AK7: variants seen among roughly 807,000 people sequenced by gnomAD.
AK7 encodes the protein ATP-AMP transphosphorylase 7.
A neutral mutation model predicts 96.6 loss-of-function variants in AK7; 78 were observed. That is an observed-to-expected ratio of 0.81 (90% CI 0.67 to 0.97). The LOEUF (loss-of-function observed/expected upper bound fraction) is 0.97. Among genes scored for constraint, AK7 ranks in the 50% least tolerant of loss-of-function variants. The probability of loss-of-function intolerance (pLI) is 0.00; values close to 1 mark genes in which losing one functional copy is unlikely to be tolerated. For missense variants in AK7, 855 were observed against 887.9 expected, an observed-to-expected ratio of 0.96 and a Z score of 0.47; for synonymous variants, 302 against 317.2, an observed-to-expected ratio of 0.95 and a Z score of 0.51.
In AK7 at chr14:96,488,929, G is replaced by T. The variant is rs1012937584; in HGVS notation, c.*586G>T. 1.7e-4 allele frequency: 26 copies of T among 151,594 alleles called. No homozygotes were observed. Among genetic ancestry groups the T allele is most frequent in the African/African-American group, 6.3e-4 (26 of 41,206 alleles). 9.4% of individuals were successfully genotyped at this position (151,594 alleles called of 1,614,324 possible). On this transcript the variant is annotated 3_prime_UTR_variant, in exon 18 of 18. Transcript: ENST00000267584. Reference sequence around the variant, plus strand: ...AATCGGAGAGAACTGTAAACCTTTAGGCGGAGAAATCTGCATAACAGGATA... The same window carrying T: ...AATCGGAGAGAACTGTAAACCTTTATGCGGAGAAATCTGCATAACAGGATA...
intron 6 of AK7, among the ~76,000 whole-genome samples, chr14:96,441,359 C>T (rs1265245920): frequency 6.6e-6 from 1 of 152,066 alleles, no homozygotes; most frequent in East Asian, 1.9e-4. Context: ...AGGTATGAGG[C>T]CAGGCATGGT....
intron 8 of AK7, among the ~76,000 whole-genome samples, chr14:96,448,126 CAAA>C (rs557075450): frequency 3.7e-5 from 3 of 81,900 alleles, no homozygotes. Context: ...GAGACCCTGT[CAAA>C]AAAAAAAAAA....
intron 2 of AK7, among the ~76,000 whole-genome samples, chr14:96,402,099 A>G (rs892391261): frequency 2.0e-5 from 3 of 152,008 alleles, no homozygotes; most frequent in Non-Finnish European, 2.9e-5. Flanking sequence ...CAACGGCTTC[A>G]TATGTGCTTG....
intron 1 of AK7, among the ~76,000 whole-genome samples, chr14:96,393,065 G>T (rs1479636318): frequency 1.3e-5 from 2 of 152,102 alleles, no homozygotes; most frequent in African/African-American, 4.8e-5. Flanking sequence ...GACACTGTTT[G>T]GGTCCCCGAG....
rs1895920432 is a variant in AK7 at position 96,488,883 on chromosome 14, G to A, written c.*540G>A. On this transcript the variant is annotated 3_prime_UTR_variant, in exon 18 of 18. Coordinates refer to ENST00000267584, the MANE Select transcript of AK7 (RefSeq NM_152327.5). ...TTAGGGAAAGGTTGCTTTGAGTTCA[G>A]GGTCAGGATCCCAGACAATGAATCG... The A allele has an allele frequency of 6.6e-6, 1 of 150,746 alleles. No individual in the cohort carries two copies. Among genetic ancestry groups the A allele is most frequent in the African/African-American group, 2.4e-5 (1 of 40,858 alleles). 9.3% of individuals were successfully genotyped at this position (150,746 alleles called of 1,614,324 possible).
chr14:96,444,031 T>C (rs980269834), intron 7 of AK7, among the ~76,000 whole-genome samples: 2 of 152,088 alleles, frequency 1.3e-5, no homozygotes, highest in African/African-American at 4.8e-5. Context: ...CGCCTCAGCC[T>C]CCCAAAGTGC....
At position 96,446,219 on chromosome 14, in the gene AK7, CAG is replaced by C. The variant is rs372734394; in HGVS notation, c.780-297_780-296del. On this transcript the variant is annotated intron_variant, in intron 7 of 17. Transcript: ENST00000267584. ...GGGGGCAGTTCCCCTTGTTGGGAGA[CAG>C]GGCAGTATGCTAGAAAGAAGACAGG... 2.3e-3 allele frequency among the ~76,000 whole-genome samples: 344 copies of C among 150,052 alleles called. 9 individuals carry two copies. In the South Asian group the frequency reaches 0.05, roughly 22 times the overall value.
chr14:96,472,709 T>A lies in AK7; in HGVS notation c.1509T>A (p.Asp503Glu), dbSNP rs778809346. The A allele has an allele frequency of 2.2e-5, 36 of 1,613,084 alleles. No individual in the cohort carries two copies. Among genetic ancestry groups the A allele is most frequent in the Non-Finnish European group, 2.8e-5 (33 of 1,179,138 alleles). ...TAGAGGAAGATGAGGAGGAGGAAGA[T>A]GATGTCAGAGGCAGAATGTTTCCCT... ...LFNQEDEEEE[D>E]DVRGRMFPFD... is the part of the protein sequence containing the mutation. Residue 503 changes from aspartate to glutamate, a missense_variant, in exon 14 of 18, where the codon GAT (aspartate) becomes GAA (glutamate). Transcript: ENST00000267584.
intron 1 of AK7, among the ~76,000 whole-genome samples, chr14:96,395,100 A>G (rs1889991996): frequency 6.6e-6 from 1 of 152,212 alleles, no homozygotes; most frequent in African/African-American, 2.4e-5. Context: ...CCTGGGCTCA[A>G]GTGATCTTCC....
chr14:96,458,320 G>A (rs975898691), intron 12 of AK7, 108 bp downstream of exon 12: 8 of 1,417,556 alleles, frequency 5.6e-6, no homozygotes, highest in South Asian at 1.5e-5. Context: ...CTACAGGCGG[G>A]CGCCATGGCT....
chr14:96,479,577 G>C (rs899081687), intron 15 of AK7, among the ~76,000 whole-genome samples: 2 of 151,914 alleles, frequency 1.3e-5, no homozygotes, highest in African/African-American at 4.8e-5. Flanking sequence ...TCTTCACTGC[G>C]TTCCTTCTTG....
intron 3 of AK7, 35 bp from the exon 4 acceptor site, chr14:96,408,812 G>C: frequency 6.2e-7 from 1 of 1,605,498 alleles, no homozygotes; most frequent in South Asian, 1.1e-5. Context: ...GTTGTGCATG[G>C]GTCCAAATAA....
At chr14:96,400,012 C>T (rs1595367939) in intron 2 of AK7, among the ~76,000 whole-genome samples, 1 of 151,236 alleles carries the variant, frequency 6.6e-6, no homozygotes, top group African/African-American at 2.4e-5. Context: ...ATTTATTAGA[C>T]CCCGCTACAA....
At chr14:96,471,711 CTA>C in intron 13 of AK7, 105 bp downstream of exon 13, 1 of 1,014,562 alleles carries the variant, frequency 9.9e-7, no homozygotes, top group Non-Finnish European at 1.3e-6. Flanking sequence ...ACTAGAGAGA[CTA>C]TTTATTTTTG....
intron 5 of AK7, among the ~76,000 whole-genome samples, chr14:96,431,603 T>C (rs8011245): frequency 0.07 from 10,668 of 152,292 alleles, 1,296 homozygotes; most frequent in African/African-American, 0.24. Flanking sequence ...TTCATTTGAT[T>C]GCACTGTGGT....
At chr14:96,485,940 T>C (rs1407523798) in intron 16 of AK7, among the ~76,000 whole-genome samples, 2 of 151,944 alleles carry the variant, frequency 1.3e-5, no homozygotes, top group Non-Finnish European at 1.5e-5. Context: ...GGACTACAGG[T>C]GCCCGCCACC....
At position 96,488,630 on chromosome 14, in the gene AK7, A is replaced by G. The variant is rs893643293; in HGVS notation, c.*287A>G. 6 of 276,048 alleles carry G rather than the reference A, an allele frequency of 2.2e-5. No homozygotes were observed. The highest frequency in any genetic ancestry group is 4.1e-5 in the Non-Finnish European group (6 of 145,342). 17.1% of individuals were successfully genotyped at this position (276,048 alleles called of 1,614,324 possible). A position where few individuals can be genotyped will look rare whatever the true frequency, so the allele number is the denominator to read the frequency against. Reference sequence around the variant, plus strand: ...TCTAAATATACCGCTTCTGTACACTAATGTTTATAGGTATTTATAGCATGA... The same window carrying G: ...TCTAAATATACCGCTTCTGTACACTGATGTTTATAGGTATTTATAGCATGA... On this transcript the variant is annotated 3_prime_UTR_variant, in exon 18 of 18. Coordinates refer to ENST00000267584, the MANE Select transcript of AK7 (RefSeq NM_152327.5).
At chr14:96,412,226 CTTTTTTTTT>C (rs34331496) in intron 4 of AK7, among the ~76,000 whole-genome samples, 2 of 121,026 alleles carry the variant, frequency 1.7e-5, no homozygotes, top group African/African-American at 6.3e-5. Flanking sequence ...TTCTTTCTTT[CTTTTTTTTT>C]TTTTTTTTTT....
At chr14:96,441,604 A>C (rs535690632) in intron 6 of AK7, among the ~76,000 whole-genome samples, 77 of 137,586 alleles carry the variant, frequency 5.6e-4, no homozygotes, top group African/African-American at 2.1e-3. Flanking sequence ...CTGCCACTGC[A>C]CTCCATCCAG....
Sources: allele counts gnomAD v4.1 joint callset (sites outside exome capture counted in the v4.1 genomes callset), GRCh38; gene constraint gnomAD v4.1.1; transcripts MANE v1.5; gene names NCBI Gene and HGNC (gene_info 2026-07-23, HGNC 2026-07-21).